TMEM272: variants seen among roughly 807,000 people sequenced by gnomAD.
TMEM272 encodes transmembrane protein 272.
TMEM272 carries 8 observed loss-of-function variants against 3.7 expected under a neutral mutation model. That is an observed-to-expected ratio of 2.17 (90% CI 1.27 to 3.91). The LOEUF is 3.91. Ranked by LOEUF, TMEM272 falls within the 30% of genes most tolerant of loss-of-function variation. TMEM272 has a pLI of 0.00. For synonymous variants in TMEM272, 63 were observed against 39.8 expected (o/e 1.58, Z -2.20); for missense variants, 166 against 91.5 (o/e 1.81, Z -3.32).
the TMEM272 span, chr13:51,932,640 T>C: frequency 6.6e-6 from 1 of 152,332 alleles, no homozygotes; most frequent in African/African-American, 2.4e-5. Flanking sequence ...GGCACTGGCC[T>C]CTGACCACGC....
chr13:51,890,330 GGTGA>G, the TMEM272 span, among the ~76,000 whole-genome samples: 1 of 152,042 alleles, frequency 6.6e-6, no homozygotes, highest in East Asian at 1.9e-4. Flanking sequence ...CCTGGCTAGG[GGTGA>G]GTGAGTACTT....
intron 4 of TMEM272, among the ~76,000 whole-genome samples, chr13:51,821,191 CTT>C (rs1249550691): frequency 6.6e-6 from 1 of 152,202 alleles, no homozygotes; most frequent in African/African-American, 2.4e-5. Flanking sequence ...TCAGTTTTCT[CTT>C]GTGTTACGGC....
At chr13:51,923,003 GAT>G in the TMEM272 span, among the ~76,000 whole-genome samples, 1 of 152,238 alleles carries the variant, frequency 6.6e-6, no homozygotes, top group Non-Finnish European at 1.5e-5. Context: ...AGGCTCTGAG[GAT>G]TCGGATGAGG....
intron 3 of TMEM272, among the ~76,000 whole-genome samples, chr13:51,822,786 T>C (rs982546384): frequency 1.3e-5 from 2 of 152,262 alleles, no homozygotes; most frequent in Non-Finnish European, 2.9e-5. Context: ...CTACCCAGTC[T>C]ACCCTTTCTT....
chr13:51,835,312 C>T (rs755947329), intron 2 of TMEM272, among the ~76,000 whole-genome samples: 3 of 151,758 alleles, frequency 2.0e-5, no homozygotes, highest in Non-Finnish European at 4.4e-5. Context: ...GCAACCTCCA[C>T]CTACCGGGTT....
chr13:51,884,357 C>T, the TMEM272 span, among the ~76,000 whole-genome samples: 7 of 152,302 alleles, frequency 4.6e-5, no homozygotes, highest in Admixed American at 2.6e-4. Flanking sequence ...TTGTTTCTGT[C>T]TCCTATTCAC....
the TMEM272 span, among the ~76,000 whole-genome samples, chr13:51,903,463 G>A: frequency 6.6e-6 from 1 of 152,176 alleles, no homozygotes; most frequent in Non-Finnish European, 1.5e-5. Context: ...GAGACTCTAC[G>A]TCAGATGACG....
rs1357638026 is a variant in TMEM272 at position 51,828,624 on chromosome 13, A to G, written c.59-1999T>C. On this transcript the variant is annotated intron_variant, in intron 2 of 4. Transcript: ENST00000629372. Reference sequence around the variant, plus strand: ...CAAAGGCGTGCAACTTAACGGCCCCAAGCATCTGGTTTGACGCTCTTCTGT... The same window carrying G: ...CAAAGGCGTGCAACTTAACGGCCCCGAGCATCTGGTTTGACGCTCTTCTGT... Among the ~76,000 whole-genome samples the G allele has an allele frequency of 5.9e-5, 9 of 151,912 alleles. No homozygotes were observed. The East Asian group carries it at 1.8e-3, about 30-fold the overall frequency.
chr13:51,878,379 G>A, the TMEM272 span, among the ~76,000 whole-genome samples: 3 of 152,118 alleles, frequency 2.0e-5, no homozygotes, highest in Non-Finnish European at 2.9e-5. Context: ...GCGGTGAGCC[G>A]AGATCATGCC....
intron 2 of TMEM272, among the ~76,000 whole-genome samples, chr13:51,831,723 C>A (rs138794125): frequency 2.0e-5 from 3 of 152,372 alleles, no homozygotes; most frequent in African/African-American, 7.2e-5. Context: ...CTTTGGAGCT[C>A]TCTGGAACAG....
intron 4 of TMEM272, 45 bp downstream of exon 4, chr13:51,822,010 G>A (rs551053847): frequency 2.1e-5 from 15 of 702,438 alleles, no homozygotes; most frequent in South Asian, 1.9e-4. Context: ...ATGCCTGTGA[G>A]TTAATTTCTA....
chr13:51,814,340 T>G lies in TMEM272; in HGVS notation c.*2411A>C, dbSNP rs1337396030. 1 of 152,276 alleles carries G rather than the reference T, an allele frequency of 6.6e-6. No individual in the cohort carries two copies. The highest frequency in any genetic ancestry group is 6.5e-5 in the Admixed American group (1 of 15,292). The allele number at this position is 152,276 out of a possible 1,614,324, so 9.4% of individuals were successfully genotyped here. ...ATCTCCTGAGGGAGGCCTTAATCAG[T>G]TATCATTCAAAGCCTGCTGCGCTTG... On this transcript the variant is annotated 3_prime_UTR_variant, in exon 5 of 5. Transcript: ENST00000629372.
At chr13:51,884,623 C>T in the TMEM272 span, among the ~76,000 whole-genome samples, 3 of 152,170 alleles carry the variant, frequency 2.0e-5, no homozygotes, top group Non-Finnish European at 4.4e-5. Context: ...GGTACATGAC[C>T]TCAGTAGTGT....
chr13:51,899,098 T>C, the TMEM272 span, among the ~76,000 whole-genome samples: 3 of 152,228 alleles, frequency 2.0e-5, no homozygotes, highest in South Asian at 4.1e-4. Flanking sequence ...TCACAGATGA[T>C]ATGATCTCTT....
chr13:51,901,016 T>C, the TMEM272 span, among the ~76,000 whole-genome samples: 1 of 152,186 alleles, frequency 6.6e-6, no homozygotes, highest in Non-Finnish European at 1.5e-5. Context: ...GTGGTGAAAA[T>C]GTTCTAAAAT....
chr13:51,884,158 A>G, the TMEM272 span, among the ~76,000 whole-genome samples: 1 of 152,236 alleles, frequency 6.6e-6, no homozygotes, highest in Non-Finnish European at 1.5e-5. Context: ...CCAGAATTCT[A>G]TAATAGTTAA....
intron 1 of TMEM272, among the ~76,000 whole-genome samples, chr13:51,842,954 C>A (rs1393235707): frequency 6.6e-6 from 1 of 152,142 alleles, no homozygotes. Flanking sequence ...AAAGCATAAG[C>A]AACTTTTTGG....
At chr13:51,857,585 C>T in the TMEM272 span, among the ~76,000 whole-genome samples, 1 of 151,918 alleles carries the variant, frequency 6.6e-6, no homozygotes, top group Non-Finnish European at 1.5e-5. Context: ...TAGACTTTAA[C>T]AACTCAAGGA....
At chr13:51,865,331 G>A in the TMEM272 span, 2 of 1,486,548 alleles carry the variant, frequency 1.3e-6, no homozygotes, top group Non-Finnish European at 1.8e-6. Flanking sequence ...TGCCCCCACA[G>A]GGTCTGACCA....
Sources: allele counts gnomAD v4.1 joint callset (sites outside exome capture counted in the v4.1 genomes callset), GRCh38; gene constraint gnomAD v4.1.1; transcripts MANE v1.5; gene names NCBI Gene and HGNC (gene_info 2026-07-23, HGNC 2026-07-21).